SFMBT2: variants seen among roughly 807,000 people sequenced by gnomAD.
SFMBT2 encodes Scm like with four mbt domains 2.
A neutral mutation model predicts 110.1 loss-of-function variants in SFMBT2; 38 were observed. The observed-to-expected ratio is 0.35, with a 90% CI of 0.27 to 0.45. The LOEUF is 0.45. Among genes scored for constraint, SFMBT2 ranks in the 20% least tolerant of loss-of-function variants. SFMBT2 has a pLI of 1.00. For synonymous variants in SFMBT2, 425 were observed against 425.4 expected (o/e 1.00, Z 0.01); for missense variants, 1,011 against 1,094.9 (o/e 0.92, Z 1.08).
intron 4 of SFMBT2, among the ~76,000 whole-genome samples, chr10:7,294,789 A>G (rs1842356565): frequency 6.6e-6 from 1 of 152,196 alleles, no homozygotes; most frequent in East Asian, 1.9e-4. Context: ...GGAGCATTTT[A>G]TATAATCAGA....
At chr10:7,233,150 T>G (rs780684257) in intron 9 of SFMBT2, among the ~76,000 whole-genome samples, 1 of 152,212 alleles carries the variant, frequency 6.6e-6, no homozygotes, top group African/African-American at 2.4e-5. Context: ...GAATACCATG[T>G]TTGCTATCTA....
chr10:7,317,309 T>C (rs951451118), intron 4 of SFMBT2, among the ~76,000 whole-genome samples: 8 of 151,750 alleles, frequency 5.3e-5, no homozygotes, highest in African/African-American at 1.9e-4. Context: ...GAATTTAAGA[T>C]CCTTATTTTT....
At chr10:7,380,793 T>A (rs969041486) in intron 2 of SFMBT2, among the ~76,000 whole-genome samples, 8 of 152,180 alleles carry the variant, frequency 5.3e-5, no homozygotes, top group Admixed American at 2.0e-4. Flanking sequence ...ATCACACTTA[T>A]AATCTCAGCA....
chr10:7,181,196 G>A (rs1160806699), intron 16 of SFMBT2, among the ~76,000 whole-genome samples: 2 of 147,892 alleles, frequency 1.4e-5, no homozygotes, highest in Admixed American at 6.8e-5. Context: ...CCGAGATTGT[G>A]CCACTGCATT....
chr10:7,347,152 C>T (rs1382186868), intron 4 of SFMBT2, among the ~76,000 whole-genome samples: 1 of 152,136 alleles, frequency 6.6e-6, no homozygotes, highest in Non-Finnish European at 1.5e-5. Flanking sequence ...AGCCCCACAG[C>T]TAGGGAGTAC....
chr10:7,167,578 A>G (rs1182783808), intron 20 of SFMBT2, among the ~76,000 whole-genome samples: 1 of 152,200 alleles, frequency 6.6e-6, no homozygotes, highest in African/African-American at 2.4e-5. Flanking sequence ...GTAATCTCAG[A>G]CAATGCCTGC....
chr10:7,344,974 A>AAC (rs1844060912), intron 4 of SFMBT2, among the ~76,000 whole-genome samples: 1 of 151,342 alleles, frequency 6.6e-6, no homozygotes, highest in Non-Finnish European at 1.5e-5. Flanking sequence ...AAAAAAAAAA[A>AAC]AAAAAAGAGC....
chr10:7,327,365 G>GA (rs1329805122), intron 4 of SFMBT2, among the ~76,000 whole-genome samples: 1 of 151,952 alleles, frequency 6.6e-6, no homozygotes, highest in Non-Finnish European at 1.5e-5. Context: ...TATCTTCACA[G>GA]TCACATCCTT....
chr10:7,224,696 G>A (rs1485132610), intron 10 of SFMBT2, among the ~76,000 whole-genome samples: 1 of 152,038 alleles, frequency 6.6e-6, no homozygotes, highest in East Asian at 1.9e-4. Flanking sequence ...AATTCAGTAT[G>A]AGCTTACTCA....
At chr10:7,329,604 T>A (rs1342172419) in intron 4 of SFMBT2, 1 of 674,926 alleles carries the variant, frequency 1.5e-6, no homozygotes, top group East Asian at 1.4e-4. Flanking sequence ...CACAGATTCC[T>A]CGGTTAGAAA....
intron 7 of SFMBT2, 23 bp from the exon 8 acceptor site, chr10:7,248,672 A>G: frequency 1.2e-6 from 2 of 1,608,588 alleles, no homozygotes; most frequent in South Asian, 2.2e-5. Flanking sequence ...AGATGAAAAT[A>G]TTGAAAGCCA....
chr10:7,322,331 T>C (rs1285541558), intron 4 of SFMBT2, among the ~76,000 whole-genome samples: 1 of 152,182 alleles, frequency 6.6e-6, no homozygotes, highest in East Asian at 1.9e-4. Flanking sequence ...TCTGAGTTCA[T>C]TAAACCTCTT....
At chr10:7,361,704 G>A (rs1844724838) in intron 4 of SFMBT2, among the ~76,000 whole-genome samples, 1 of 152,042 alleles carries the variant, frequency 6.6e-6, no homozygotes, top group Non-Finnish European at 1.5e-5. Context: ...TTAATAACGG[G>A]GAAAATAAAA....
At chr10:7,168,627 C>A (rs1028254043) in intron 20 of SFMBT2, among the ~76,000 whole-genome samples, 1 of 152,224 alleles carries the variant, frequency 6.6e-6, no homozygotes, top group African/African-American at 2.4e-5. Context: ...ACGCTTATCT[C>A]GCCGCAGCAC....
intron 9 of SFMBT2, among the ~76,000 whole-genome samples, chr10:7,230,926 T>C (rs925404286): frequency 1.3e-5 from 2 of 152,142 alleles, no homozygotes; most frequent in African/African-American, 4.8e-5. Flanking sequence ...AGCAAGACTC[T>C]GTCTCTCAAA....
At chr10:7,401,292 C>T (rs900624918) in intron 1 of SFMBT2, among the ~76,000 whole-genome samples, 2 of 152,090 alleles carry the variant, frequency 1.3e-5, no homozygotes, top group African/African-American at 4.8e-5. Context: ...TGAGGAAAGA[C>T]CAAACATGTA....
At chr10:7,285,816 G>T in intron 5 of SFMBT2, 50 bp downstream of exon 5, 1 of 847,524 alleles carries the variant, frequency 1.2e-6, no homozygotes, top group African/African-American at 1.6e-5. Context: ...CTGAGCTCAC[G>T]TAACTGGGGT....
intron 4 of SFMBT2, among the ~76,000 whole-genome samples, chr10:7,337,837 A>G (rs574051109): frequency 1.2e-4 from 19 of 152,210 alleles, no homozygotes; most frequent in Non-Finnish European, 2.4e-4. Flanking sequence ...GATTCAGTCT[A>G]TAACACTTGG....
At chr10:7,175,923 C>T (rs749289422) in intron 17 of SFMBT2, 67 bp downstream of exon 17, 584 of 1,439,548 alleles carry the variant, frequency 4.1e-4, no homozygotes, top group Non-Finnish European at 5.4e-4. Context: ...AAACAAAAAC[C>T]AAATACCTTA....
Sources: gnomAD v4.1 joint callset for allele counts (sites outside exome capture counted in the v4.1 genomes callset) on GRCh38, gnomAD v4.1.1 for gene constraint, MANE v1.5 for transcripts, NCBI Gene and HGNC (gene_info 2026-07-23, HGNC 2026-07-21) for gene names.